Variants in SFXN5 observed in about 807,000 individuals in gnomAD.
The protein encoded by SFXN5 is sideroflexin-5.
In SFXN5, 43 loss-of-function variants were observed where a neutral mutation model predicts 50.2. That is an observed-to-expected ratio of 0.86 (90% confidence interval 0.67 to 1.11). SFXN5 has a LOEUF of 1.11. Among genes scored for constraint, SFXN5 ranks in the 50% least tolerant of loss-of-function variants. The probability of loss-of-function intolerance (pLI) is 0.00; values close to 1 mark genes in which losing one functional copy is unlikely to be tolerated. For synonymous variants in SFXN5, 203 were observed against 185.8 expected (o/e 1.09, Z -0.75); for missense variants, 463 against 454.1 (o/e 1.02, Z -0.18).
chr2:73,071,464 C>T (rs1417663809), intron 1 of SFXN5, 140 bp downstream of exon 1: 2 of 714,304 alleles, frequency 2.8e-6, no homozygotes, highest in Non-Finnish European at 2.3e-6. Flanking sequence ...TGACTGTGAC[C>T]GAGGTTCCCC....
intron 13 of SFXN5, among the ~76,000 whole-genome samples, chr2:72,948,900 A>G (rs1672233567): frequency 1.3e-5 from 2 of 152,180 alleles, no homozygotes; most frequent in Non-Finnish European, 2.9e-5. Flanking sequence ...ACAGAGGGGG[A>G]CAAGACCAAC....
chr2:73,007,066 G>T (rs982835321), intron 6 of SFXN5, among the ~76,000 whole-genome samples: 12 of 152,146 alleles, frequency 7.9e-5, no homozygotes, highest in African/African-American at 2.7e-4. Flanking sequence ...TGGGAGAGAG[G>T]CACCCCCAAA....
intron 12 of SFXN5, chr2:72,967,305 G>A (rs1247082672): frequency 6.6e-6 from 1 of 152,212 alleles, no homozygotes; most frequent in Non-Finnish European, 1.5e-5. Flanking sequence ...GGATGGACGT[G>A]CCTCATGGAG....
At chr2:72,963,236 G>A (rs998859710) in intron 12 of SFXN5, among the ~76,000 whole-genome samples, 1 of 152,204 alleles carries the variant, frequency 6.6e-6, no homozygotes, top group African/African-American at 2.4e-5. Flanking sequence ...CCACAGCCCT[G>A]AGAGCAGTGA....
rs1672724964 is a variant in SFXN5 at position 72,992,572 on chromosome 2, T to G, written c.535-4224A>C. ...CCTCCTCGCCCATTTCCAGCTCTGC[T>G]TCTCATGCCAGAGACCTCACAGCGT... On this transcript the variant is annotated intron_variant, in intron 9 of 13. Coordinates refer to ENST00000272433, the MANE Select transcript of SFXN5 (RefSeq NM_144579.3). This position sits in a 1 kb window ranked among gnomAD's most constrained non-coding sequence, Gnocchi z 4.5. Among the ~76,000 whole-genome samples the G allele has an allele frequency of 6.6e-6, 1 of 152,214 alleles. No individual in the cohort carries two copies. The highest frequency in any genetic ancestry group is 1.5e-5 in the Non-Finnish European group (1 of 68,040).
At chr2:73,014,763 T>C (rs1193331258) in intron 6 of SFXN5, among the ~76,000 whole-genome samples, 1 of 152,228 alleles carries the variant, frequency 6.6e-6, no homozygotes, top group African/African-American at 2.4e-5. Flanking sequence ...TCTAAAATAC[T>C]ATTGTAAATG....
At position 73,040,980 on chromosome 2, in the gene SFXN5, C is replaced by T. The variant is rs201077526; in HGVS notation, c.172-49G>A. On this transcript the variant is annotated intron_variant, in intron 2 of 13. Coordinates refer to ENST00000272433, the MANE Select transcript of SFXN5 (RefSeq NM_144579.3). ...TTGAGGGGCACAGATCCAGGGCTCCCGCAAATTTTTCTTTTGTGGGATTAC... is the reference window on the plus strand; with the variant it reads ...TTGAGGGGCACAGATCCAGGGCTCCTGCAAATTTTTCTTTTGTGGGATTAC... 4.4e-5 allele frequency: 68 copies of T among 1,558,340 alleles called. No homozygotes were observed. The African/African-American group carries it at 6.0e-4, about 14-fold the overall frequency.
At chr2:72,949,923 GA>G (rs751690268) in intron 13 of SFXN5, among the ~76,000 whole-genome samples, 9 of 152,056 alleles carry the variant, frequency 5.9e-5, no homozygotes, top group Non-Finnish European at 1.3e-4. Flanking sequence ...TATGGGAGGG[GA>G]TGGGCCAGGG....
intron 10 of SFXN5, among the ~76,000 whole-genome samples, chr2:72,972,916 G>A (rs1393324122): frequency 2.0e-5 from 3 of 152,016 alleles, no homozygotes. Context: ...CCTTCCAGTG[G>A]GGGGGGCCAC....
chr2:73,047,363 GTA>G (rs1398174430), intron 2 of SFXN5, among the ~76,000 whole-genome samples: 1 of 132,836 alleles, frequency 7.5e-6, no homozygotes, highest in Admixed American at 8.2e-5. Context: ...GTGTATATAT[GTA>G]TATATATGTA....
At chr2:72,955,684 C>T (rs1673015623) in intron 13 of SFXN5, among the ~76,000 whole-genome samples, 1 of 152,258 alleles carries the variant, frequency 6.6e-6, no homozygotes, top group African/African-American at 2.4e-5. Flanking sequence ...CCACCACCCA[C>T]TACAGCCTCT....
At chr2:73,008,547 G>A (rs185839461) in intron 6 of SFXN5, among the ~76,000 whole-genome samples, 10 of 152,318 alleles carry the variant, frequency 6.6e-5, no homozygotes, top group Admixed American at 3.3e-4. Context: ...GACGAGGGCC[G>A]GACCACCAGG....
At chr2:72,978,082 A>G (rs1670854274) in intron 10 of SFXN5, among the ~76,000 whole-genome samples, 1 of 149,738 alleles carries the variant, frequency 6.7e-6, no homozygotes, top group Admixed American at 6.6e-5. Context: ...TTTTTTACTT[A>G]TCACATTTAG....
intron 10 of SFXN5, among the ~76,000 whole-genome samples, chr2:72,979,475 AAC>A (rs2105507743): frequency 6.6e-6 from 1 of 152,244 alleles, no homozygotes; most frequent in African/African-American, 2.4e-5. Flanking sequence ...CTCTACTAAA[AAC>A]ACAAAAATTA....
chr2:73,031,413 T>C (rs1678281347), intron 3 of SFXN5, among the ~76,000 whole-genome samples: 2 of 152,248 alleles, frequency 1.3e-5, no homozygotes, highest in Non-Finnish European at 2.9e-5. Context: ...TGAATAATCC[T>C]GTGGGGCAGA....
chr2:73,043,976 C>T (rs980835808), intron 2 of SFXN5, among the ~76,000 whole-genome samples: 2 of 152,174 alleles, frequency 1.3e-5, no homozygotes, highest in African/African-American at 2.4e-5. Flanking sequence ...CCACACACCC[C>T]CTCAATGCCA....
intron 10 of SFXN5, among the ~76,000 whole-genome samples, chr2:72,981,771 C>G (rs1437187983): frequency 6.6e-6 from 1 of 152,334 alleles, no homozygotes; most frequent in East Asian, 1.9e-4. Context: ...TCAAAATCCA[C>G]AGCACCACGC....
intron 2 of SFXN5, chr2:73,049,999 G>A (rs1681034516): frequency 6.6e-6 from 1 of 150,656 alleles, no homozygotes. Context: ...GGAGTACCAG[G>A]TCCTCAGTAA....
chr2:72,990,067 T>C (rs1033238611), intron 9 of SFXN5, among the ~76,000 whole-genome samples: 6 of 152,070 alleles, frequency 3.9e-5, no homozygotes, highest in African/African-American at 1.2e-4. Context: ...TGGGGCAGGG[T>C]GCAGCAAGGC....
Sources: allele counts gnomAD v4.1 joint callset (sites outside exome capture counted in the v4.1 genomes callset), GRCh38; gene constraint gnomAD v4.1.1; non-coding constraint Gnocchi (gnomAD v3.1); transcripts MANE v1.5; gene names NCBI Gene and HGNC (gene_info 2026-07-23, HGNC 2026-07-21).